ATG3: variants seen among roughly 807,000 people sequenced by gnomAD.
The protein encoded by ATG3 is autophagy related 3, also known as ubiquitin-like-conjugating enzyme ATG3.
ATG3 carries 25 observed loss-of-function variants against 50.7 expected under a neutral mutation model. The observed-to-expected ratio is 0.49, with a 90% CI of 0.36 to 0.69. The LOEUF (loss-of-function observed/expected upper bound fraction) is 0.69, where lower values mean the gene tolerates loss of function less well. ATG3 is among the 30% of genes least tolerant of loss of function. ATG3 has a pLI of 0.00. For synonymous variants in ATG3, 119 were observed against 125.5 expected (o/e 0.95, Z 0.34); for missense variants, 281 against 376.0 (o/e 0.75, Z 2.09).
intron 7 of ATG3, among the ~76,000 whole-genome samples, chr3:112,541,313 G>C (rs952675539): frequency 1.3e-5 from 2 of 151,954 alleles, no homozygotes; most frequent in African/African-American, 4.8e-5. Context: ...CCTGAACCTG[G>C]GAGACGGCGG....
rs757581010 is a variant in ATG3 at position 112,536,594 on chromosome 3, C to A, written c.675G>T (p.Gln225His). ...LWLFGYDEQR[Q>H]PLTVEHMYED... ...CATACATGTGCTCAACTGTTAAAGG[C>A]TGCCGTTGCTGAAAGCATAAAAAAT... is the stretch of plus-strand genomic sequence containing the variant. The change falls in exon 10 of 12, where the codon CAG (glutamine) becomes CAT (histidine). Residue 225 changes from glutamine to histidine, a missense_variant. Gln to His is a conservative substitution (Grantham distance 24). Around this residue, in one of 3 missense-constraint regions of ATG3, gnomAD observed 242 missense variants for 305.0 expected, o/e 0.79. Transcript: ENST00000283290. The A allele has an allele frequency of 6.2e-7, 1 of 1,613,862 alleles. No individual in the cohort carries two copies. Among genetic ancestry groups the A allele is most frequent in the African/African-American group, 1.3e-5 (1 of 74,886 alleles).
chr3:112,549,809 A>AG (rs964836174), intron 4 of ATG3, among the ~76,000 whole-genome samples: 2 of 151,550 alleles, frequency 1.3e-5, no homozygotes, highest in African/African-American at 2.4e-5. Flanking sequence ...AAAAAAAAAA[A>AG]AAAAAAAACC....
chr3:112,552,012 C>A (rs1053241813), intron 3 of ATG3, among the ~76,000 whole-genome samples: 4 of 152,100 alleles, frequency 2.6e-5, no homozygotes, highest in African/African-American at 7.2e-5. Context: ...GTTTCAGCGA[C>A]ACGGTAAGTA....
At chr3:112,544,838 T>C (rs1933331248) in intron 5 of ATG3, among the ~76,000 whole-genome samples, 1 of 152,092 alleles carries the variant, frequency 6.6e-6, no homozygotes. Context: ...TTTTGGAATA[T>C]TTGCATAAAT....
intron 2 of ATG3, among the ~76,000 whole-genome samples, chr3:112,556,630 T>A (rs1030277873): frequency 1.3e-5 from 2 of 152,226 alleles, no homozygotes; most frequent in Admixed American, 1.3e-4. Flanking sequence ...GGTTGCCATG[T>A]CTGTGTAGAA....
Position 112,561,328 on chromosome 3 carries a change from C to T in ATG3, c.72+129G>A, listed in dbSNP as rs150980880. The T allele has an allele frequency of 4.4e-5, 41 of 923,820 alleles. No homozygotes were observed. The East Asian group carries it at 1.1e-3, about 24-fold the overall frequency. 57.2% of individuals were successfully genotyped at this position (923,820 alleles called of 1,614,324 possible). A position where few individuals can be genotyped will look rare whatever the true frequency, so the allele number is the denominator to read the frequency against. ...ACTACGGGTGGGGGCTGCACACTTC[C>T]CTGTGTCTCGAGCCCTACTGCCTTC... On this transcript the variant is annotated intron_variant, in intron 1 of 11. Transcript: ENST00000283290.
Position 112,558,375 on chromosome 3 carries a change from C to T in ATG3, c.114+1G>A. ...GACTTCAGTATATCTTCAGCACTCA[C>T]CTCTTCTGGGGTAATTACACCTGTT... On this transcript the variant is annotated splice_donor_variant, in intron 2 of 11. Coordinates refer to ENST00000283290, the MANE Select transcript of ATG3 (RefSeq NM_022488.5). LOFTEE classifies it high-confidence loss of function. 6.2e-7 allele frequency: 1 copy of T among 1,603,386 alleles called. No homozygotes were observed.
Position 112,534,285 on chromosome 3 carries a change from C to A in ATG3, c.847G>T (p.Glu283Ter). Residue 283 changes from glutamate (E) to a stop codon, truncating the protein, a stop_gained, in exon 11 of 12, where the codon GAA (glutamate) becomes TAA (stop). Coordinates refer to ENST00000283290, the MANE Select transcript of ATG3 (RefSeq NM_022488.5). LOFTEE classifies it high-confidence loss of function. ...IIETVAEGGG[E>*]LGVHMYLLIF... The stretch of plus-strand genomic sequence containing the variant: ...GAAGGATACATATGAACTCCAAGTT[C>A]TCCCCCTCCTTCTGCAACAGTCTCA... The A allele has an allele frequency of 1.3e-6, 2 of 1,599,232 alleles. No homozygotes were observed. Among genetic ancestry groups the A allele is most frequent in the Non-Finnish European group, 1.7e-6 (2 of 1,173,346 alleles).
intron 2 of ATG3, among the ~76,000 whole-genome samples, chr3:112,556,848 A>G (rs918196754): frequency 3.9e-5 from 6 of 151,914 alleles, no homozygotes; most frequent in Admixed American, 1.3e-4. Context: ...AAGAGTCATC[A>G]CCACTCCCTA....
At chr3:112,561,196 C>T (rs1308557868) in intron 1 of ATG3, among the ~76,000 whole-genome samples, 1 of 152,196 alleles carries the variant, frequency 6.6e-6, no homozygotes, top group Admixed American at 6.5e-5. Flanking sequence ...TCCAACCCGA[C>T]GTACCCGACC....
intron 1 of ATG3, 87 bp from the exon 2 acceptor site, chr3:112,558,504 C>A: frequency 9.4e-7 from 1 of 1,058,556 alleles, no homozygotes; most frequent in Non-Finnish European, 1.5e-6. Context: ...GCCTGGTGCC[C>A]TTCTAGGCAA....
intron 10 of ATG3, chr3:112,535,456 T>TA (rs1283098841): frequency 6.6e-6 from 1 of 152,188 alleles, no homozygotes; most frequent in Non-Finnish European, 1.5e-5. Context: ...CTCAGAGAGA[T>TA]ACGCTTCAGT....
chr3:112,542,253 C>T (rs1215192115), intron 6 of ATG3, among the ~76,000 whole-genome samples: 2 of 152,086 alleles, frequency 1.3e-5, no homozygotes, highest in Admixed American at 6.5e-5. Context: ...AAAAAGTGCA[C>T]ATATCTGTAA....
chr3:112,554,769 CTAGTT>C (rs67823375), intron 2 of ATG3, among the ~76,000 whole-genome samples: 10,290 of 152,222 alleles, frequency 0.068, 433 homozygotes, highest in Admixed American at 0.12. Flanking sequence ...ATAAAATACT[CTAGTT>C]TAATTTGAGC....
chr3:112,535,422 C>A (rs919489379), intron 10 of ATG3: 7 of 152,048 alleles, frequency 4.6e-5, no homozygotes, highest in Admixed American at 1.3e-4. Context: ...AGTTATTTTT[C>A]CCCCAACTGA....
chr3:112,555,155 G>T (rs565857798), intron 2 of ATG3, among the ~76,000 whole-genome samples: 25 of 152,138 alleles, frequency 1.6e-4, no homozygotes, highest in Admixed American at 1.6e-3. Flanking sequence ...AGTCCCTATA[G>T]TATCTTCTAT....
intron 3 of ATG3, 106 bp from the exon 4 acceptor site, chr3:112,550,368 T>C: frequency 1.1e-6 from 1 of 948,220 alleles, no homozygotes; most frequent in Non-Finnish European, 1.6e-6. Flanking sequence ...TCCATAATTC[T>C]CAGAAAATTG....
At chr3:112,543,568 TGAA>T (rs994044095) in intron 6 of ATG3, among the ~76,000 whole-genome samples, 14 of 152,214 alleles carry the variant, frequency 9.2e-5, no homozygotes, top group African/African-American at 3.1e-4. Flanking sequence ...TACCAGTAAT[TGAA>T]GAAAATACAG....
At chr3:112,551,829 AACC>A (rs1462909545) in intron 3 of ATG3, among the ~76,000 whole-genome samples, 1 of 152,178 alleles carries the variant, frequency 6.6e-6, no homozygotes, top group Non-Finnish European at 1.5e-5. Flanking sequence ...AAGAAAAAAA[AACC>A]ACCTTTATTA....
Sources: gnomAD v4.1 joint callset for allele counts (sites outside exome capture counted in the v4.1 genomes callset) on GRCh38, gnomAD v4.1.1 for gene constraint, gnomAD v4.1.1 regional missense constraint, MANE v1.5 for transcripts, NCBI Gene and HGNC (gene_info 2026-07-23, HGNC 2026-07-21) for gene names.